PRKN: variants seen among roughly 807,000 people sequenced by gnomAD.
PRKN encodes the protein E3 ubiquitin-protein ligase parkin.
PRKN carries 56 observed loss-of-function variants against 59.5 expected under a neutral mutation model. The ratio of observed to expected loss-of-function variants is 0.94; its 90% confidence interval spans 0.76 to 1.18. PRKN has a LOEUF of 1.18. Among genes scored for constraint, PRKN ranks in the 50% most tolerant of loss-of-function variants. The pLI is 0.00. For missense variants in PRKN, 657 were observed against 596.4 expected (o/e 1.10, Z -1.06); for synonymous variants, 250 against 222.1 (o/e 1.13, Z -1.12).
At position 161,448,232 on chromosome 6, in the gene PRKN, C is replaced by T. The variant is rs1187496212; in HGVS notation, c.1084-61355G>A. On this transcript the variant is annotated intron_variant, in intron 9 of 11. Coordinates refer to ENST00000366898, the MANE Select transcript of PRKN (RefSeq NM_004562.3). This position sits in a 1 kb window ranked among gnomAD's most constrained non-coding sequence, Gnocchi z 5.1. ...ATATTTCACTGGATTCTTGGAATATCAGAAATTCATCATTCTTTGGTGTCT... is the reference window on the plus strand; with the variant it reads ...ATATTTCACTGGATTCTTGGAATATTAGAAATTCATCATTCTTTGGTGTCT... Among the ~76,000 whole-genome samples, 1 of 152,198 alleles carries T rather than the reference C, an allele frequency of 6.6e-6. No homozygotes were observed. The highest frequency in any genetic ancestry group is 2.4e-5 in the African/African-American group (1 of 41,456).
At chr6:161,932,149 T>G (rs1025445386) in intron 6 of PRKN, among the ~76,000 whole-genome samples, 19 of 152,156 alleles carry the variant, frequency 1.2e-4, no homozygotes, top group Non-Finnish European at 2.5e-4. Context: ...TAAAAAAATC[T>G]CAGTTAACAT....
chr6:162,511,986 C>T (rs1209753505), intron 1 of PRKN, among the ~76,000 whole-genome samples: 2 of 152,130 alleles, frequency 1.3e-5, no homozygotes, highest in East Asian at 1.9e-4. Context: ...ATTTGAAGCA[C>T]AACACCTTAT....
chr6:162,251,725 A>AT (rs1779445044), intron 3 of PRKN, among the ~76,000 whole-genome samples: 1 of 152,148 alleles, frequency 6.6e-6, no homozygotes, highest in Non-Finnish European at 1.5e-5. Context: ...ATGGTTAGTT[A>AT]TTTTTTATAG....
intron 6 of PRKN, among the ~76,000 whole-genome samples, chr6:161,910,246 G>A (rs1055782938): frequency 6.6e-6 from 1 of 152,050 alleles, no homozygotes; most frequent in East Asian, 1.9e-4. Flanking sequence ...GACAACAGAG[G>A]ATTTTTTGTT....
rs748725337 is a variant in PRKN, at chr6:161,582,674, G to T, written c.872-13258C>A. Among the ~76,000 whole-genome samples the T allele has an allele frequency of 6.6e-6, 1 of 151,976 alleles. No individual in the cohort carries two copies. Among genetic ancestry groups the T allele is most frequent in the Non-Finnish European group, 1.5e-5 (1 of 67,992 alleles). Reference sequence around the variant, plus strand: ...GATCTGCTGACCTCGTGATCTGCCCGCCTCGGCCTCCCAAAGTTCTGGGAT... The same window carrying T: ...GATCTGCTGACCTCGTGATCTGCCCTCCTCGGCCTCCCAAAGTTCTGGGAT... On this transcript the variant is annotated intron_variant, in intron 7 of 11. Coordinates refer to ENST00000366898, the MANE Select transcript of PRKN (RefSeq NM_004562.3). The surrounding 1 kb of genome is among the most constrained non-coding windows in gnomAD (Gnocchi z 4.4).
intron 4 of PRKN, among the ~76,000 whole-genome samples, chr6:162,132,354 G>A (rs1562531582): frequency 6.6e-6 from 1 of 152,088 alleles, no homozygotes; most frequent in Non-Finnish European, 1.5e-5. Flanking sequence ...GAAATGGCCA[G>A]AGCTTCACCT....
chr6:162,022,932 A>AT (rs762065693), intron 5 of PRKN, among the ~76,000 whole-genome samples: 4 of 151,974 alleles, frequency 2.6e-5, no homozygotes. Flanking sequence ...CCCATTGTTG[A>AT]TTTTTATCAA....
chr6:162,084,525 C>G (rs965592656), intron 4 of PRKN, among the ~76,000 whole-genome samples: 1 of 152,148 alleles, frequency 6.6e-6, no homozygotes, highest in East Asian at 1.9e-4. Context: ...ATATTAAGAA[C>G]AGGACTTATA....
At chr6:162,439,686 C>A (rs1170001797) in intron 2 of PRKN, among the ~76,000 whole-genome samples, 1 of 134,748 alleles carries the variant, frequency 7.4e-6, no homozygotes, top group Non-Finnish European at 1.6e-5. Context: ...TCCCCCTCTT[C>A]CTCTTCCTCT....
intron 7 of PRKN, among the ~76,000 whole-genome samples, chr6:161,750,142 C>CACACACACACACAT (rs765990689): frequency 5.1e-5 from 7 of 137,070 alleles, no homozygotes; most frequent in African/African-American, 1.6e-4. Context: ...CACACACACA[C>CACACACACACACAT]ATATATAAAT....
At chr6:161,935,669 G>A (rs1454841727) in intron 6 of PRKN, among the ~76,000 whole-genome samples, 1 of 152,044 alleles carries the variant, frequency 6.6e-6, no homozygotes, top group African/African-American at 2.4e-5. Context: ...GTGAAACTTA[G>A]GTGAAAAAAT....
intron 7 of PRKN, among the ~76,000 whole-genome samples, chr6:161,782,607 T>C (rs939521401): frequency 1.3e-5 from 2 of 152,076 alleles, no homozygotes; most frequent in African/African-American, 4.8e-5. Context: ...TTAAAAGCAA[T>C]GAAAGGCCAG....
chr6:162,387,551 CACACAGAGAGAGAGAGAGAG>C (rs1429116958), intron 2 of PRKN, among the ~76,000 whole-genome samples: 5 of 76,636 alleles, frequency 6.5e-5, no homozygotes, highest in African/African-American at 2.2e-4. Flanking sequence ...CACACACACA[CACACAGAGAGAGAGAGAGAG>C]AGAGAGAGAG....
Position 161,448,140 on chromosome 6 carries a change from C to T in PRKN, c.1084-61263G>A, listed in dbSNP as rs1789576639. Among the ~76,000 whole-genome samples, 1 of 152,130 alleles carries T rather than the reference C, an allele frequency of 6.6e-6. No homozygotes were observed. The highest frequency in any genetic ancestry group is 6.5e-5 in the Admixed American group (1 of 15,270). Reference sequence around the variant, plus strand: ...TGTGTGTTAGCCGTTGTATGGAAAACACCGTGATTCTGTTCAGCGCCTCCC... The same window carrying T: ...TGTGTGTTAGCCGTTGTATGGAAAATACCGTGATTCTGTTCAGCGCCTCCC... On this transcript the variant is annotated intron_variant, in intron 9 of 11. Coordinates refer to ENST00000366898, the MANE Select transcript of PRKN (RefSeq NM_004562.3). This position sits in a 1 kb window ranked among gnomAD's most constrained non-coding sequence, Gnocchi z 5.1.
intron 2 of PRKN, among the ~76,000 whole-genome samples, chr6:162,329,208 T>C (rs1447659254): frequency 6.6e-6 from 1 of 152,136 alleles, no homozygotes; most frequent in Non-Finnish European, 1.5e-5. Flanking sequence ...TCCAGCCATA[T>C]AAATGCAGTG....
intron 1 of PRKN, among the ~76,000 whole-genome samples, chr6:162,619,199 G>A (rs1782555439): frequency 6.7e-6 from 1 of 149,540 alleles, no homozygotes; most frequent in Admixed American, 6.7e-5. Flanking sequence ...CTGGAGTGCA[G>A]TGGTGAGATC....
At chr6:162,100,801 T>C (rs1261641705) in intron 4 of PRKN, among the ~76,000 whole-genome samples, 1 of 152,144 alleles carries the variant, frequency 6.6e-6, no homozygotes, top group African/African-American at 2.4e-5. Flanking sequence ...CTCATTGTGG[T>C]TTTAATGATA....
rs368425396 is a variant in PRKN, at chr6:161,435,055, T to C, written c.1084-48178A>G. Among the ~76,000 whole-genome samples, 326 of 152,234 alleles carry C rather than the reference T, an allele frequency of 2.1e-3. 2 individuals carry two copies. The highest frequency in any genetic ancestry group is 7.3e-3 in the African/African-American group (303 of 41,506). On this transcript the variant is annotated intron_variant, in intron 9 of 11. Coordinates refer to ENST00000366898, the MANE Select transcript of PRKN (RefSeq NM_004562.3). ...ACAAAGAAATGTAACCTTTGGCCAA[T>C]TGCATTTTTGTTCCACTGGTAACTA...
intron 2 of PRKN, among the ~76,000 whole-genome samples, chr6:162,317,332 G>A (rs756009830): frequency 6.6e-6 from 1 of 151,962 alleles, no homozygotes; most frequent in Non-Finnish European, 1.5e-5. Flanking sequence ...TTATAAATGT[G>A]AGTTCCCCTG....
Sources: gnomAD v4.1 joint callset for allele counts (sites outside exome capture counted in the v4.1 genomes callset) on GRCh38, gnomAD v4.1.1 for gene constraint, Gnocchi (gnomAD v3.1) non-coding constraint, MANE v1.5 for transcripts, NCBI Gene and HGNC (gene_info 2026-07-23, HGNC 2026-07-21) for gene names.